The following DSCAML1 variants were observed in gnomAD, a reference collection of about 807,000 sequenced individuals.
DSCAML1 encodes the protein DS cell adhesion molecule like 1, also known as cell adhesion molecule DSCAML1.
In DSCAML1, 38 loss-of-function variants were observed where a neutral mutation model predicts 200.5. The ratio of observed to expected loss-of-function variants is 0.19; its 90% CI spans 0.15 to 0.25. The LOEUF is 0.25. Among genes scored for constraint, DSCAML1 ranks in the 10% least tolerant of loss-of-function variants. The pLI is 1.00. For synonymous variants in DSCAML1, 1,215 were observed against 1,165.0 expected (o/e 1.04, Z -0.87); for missense variants, 2,223 against 2,858.8 (o/e 0.78, Z 5.07).
At chr11:117,559,809 G>A (rs1456830815) in intron 3 of DSCAML1, among the ~76,000 whole-genome samples, 1 of 152,132 alleles carries the variant, frequency 6.6e-6, no homozygotes, top group Non-Finnish European at 1.5e-5. Flanking sequence ...CTCGCCCAGG[G>A]CACGGAAGCC....
rs557943421 is a variant in DSCAML1 at position 117,650,795 on chromosome 11, G to A, written c.512-118273C>T. On this transcript the variant is annotated intron_variant, in intron 3 of 32. Coordinates refer to ENST00000651296, the MANE Select transcript of DSCAML1 (RefSeq NM_020693.4). ...GGTGGTTGAGGGCTGCTCAGGACTCGGCAGCTAATTGCCCAGCTTTCCACT... is the reference window on the plus strand; with the variant it reads ...GGTGGTTGAGGGCTGCTCAGGACTCAGCAGCTAATTGCCCAGCTTTCCACT... Among the ~76,000 whole-genome samples, 9 of 151,984 alleles carry A rather than the reference G, an allele frequency of 5.9e-5. No homozygotes were observed. In the South Asian group the frequency reaches 1.0e-3, roughly 18 times the overall value.
intron 1 of DSCAML1, among the ~76,000 whole-genome samples, chr11:117,807,644 C>G (rs746958355): frequency 6.6e-6 from 1 of 152,172 alleles, no homozygotes; most frequent in Non-Finnish European, 1.5e-5. Flanking sequence ...TAGAGAAGGT[C>G]ACAGTACCTG....
intron 3 of DSCAML1, among the ~76,000 whole-genome samples, chr11:117,757,315 A>C (rs1183715706): frequency 6.6e-6 from 1 of 152,178 alleles, no homozygotes; most frequent in Non-Finnish European, 1.5e-5. Flanking sequence ...CACTATCTAG[A>C]AATAATCATG....
At chr11:117,526,612 G>A (rs1191251652) in intron 4 of DSCAML1, among the ~76,000 whole-genome samples, 2 of 151,966 alleles carry the variant, frequency 1.3e-5, no homozygotes, top group African/African-American at 2.4e-5. Context: ...TCCGCCTCCC[G>A]GGTTCAAGCA....
At chr11:117,781,162 G>A (rs1220952144) in intron 1 of DSCAML1, among the ~76,000 whole-genome samples, 1 of 151,894 alleles carries the variant, frequency 6.6e-6, no homozygotes, top group South Asian at 2.1e-4. Flanking sequence ...CCGTGCACAC[G>A]CGTCTGTAGT....
At chr11:117,697,033 C>T (rs925631619) in intron 3 of DSCAML1, among the ~76,000 whole-genome samples, 3 of 152,214 alleles carry the variant, frequency 2.0e-5, no homozygotes, top group Non-Finnish European at 4.4e-5. Flanking sequence ...TCCTTTGGCA[C>T]ATCACAGATT....
At chr11:117,691,238 G>A (rs1042977216) in intron 3 of DSCAML1, among the ~76,000 whole-genome samples, 7 of 152,158 alleles carry the variant, frequency 4.6e-5, no homozygotes, top group Non-Finnish European at 7.4e-5. Context: ...ATCCTAGGGA[G>A]ATGGACCTCC....
At chr11:117,471,662 A>G (rs1188644712) in intron 15 of DSCAML1, among the ~76,000 whole-genome samples, 1 of 138,974 alleles carries the variant, frequency 7.2e-6, no homozygotes, top group Non-Finnish European at 1.6e-5. Flanking sequence ...TAGTTCCCCC[A>G]AACCCAGTAT....
chr11:117,815,256 A>T (rs1207643386), intron 1 of DSCAML1, among the ~76,000 whole-genome samples: 2 of 152,164 alleles, frequency 1.3e-5, no homozygotes, highest in Non-Finnish European at 2.9e-5. Context: ...CTTCCCCTGA[A>T]AAGTCACAGC....
intron 3 of DSCAML1, among the ~76,000 whole-genome samples, chr11:117,592,515 CT>C (rs79328780): frequency 0.11 from 16,561 of 152,040 alleles, 913 homozygotes; most frequent in Middle Eastern, 0.16. Context: ...CACAGGGCTG[CT>C]AAAGGCCCCA....
At chr11:117,685,655 C>A (rs1435209708) in intron 3 of DSCAML1, among the ~76,000 whole-genome samples, 1 of 152,190 alleles carries the variant, frequency 6.6e-6, no homozygotes, top group Non-Finnish European at 1.5e-5. Flanking sequence ...GCTCTGAGCT[C>A]CCCGGGAGGA....
intron 3 of DSCAML1, among the ~76,000 whole-genome samples, chr11:117,706,921 C>A (rs149417171): frequency 6.6e-6 from 1 of 152,166 alleles, no homozygotes; most frequent in Non-Finnish European, 1.5e-5. Flanking sequence ...TGAAGGGAGG[C>A]GACCACACAC....
rs1255641674 is a variant in DSCAML1 at position 117,532,508 on chromosome 11, T to C, written c.526A>G (p.Ile176Val). The part of the protein sequence containing the change: ...VSIIPEHRFF[I>V]TYHGGLYISD... ...ATGTACAGCCCGCCGTGGTAGGTAA[T>C]AAAAAACCTGTGTTCTGGAGACACA... The change falls in exon 4 of 33, where the codon ATT becomes GTT. Residue 176 changes from isoleucine to valine, a missense_variant. Ile to Val is a conservative substitution (Grantham distance 29, BLOSUM62 3). Coordinates refer to ENST00000651296, the MANE Select transcript of DSCAML1 (RefSeq NM_020693.4). 6.2e-7 allele frequency: 1 copy of C among 1,613,490 alleles called. No homozygotes were observed. Among genetic ancestry groups the C allele is most frequent in the Non-Finnish European group, 8.5e-7 (1 of 1,179,794 alleles).
At position 117,463,940 on chromosome 11, in the gene DSCAML1, G is replaced by A. The variant is rs74835860; in HGVS notation, c.3265+1002C>T. On this transcript the variant is annotated intron_variant, in intron 17 of 32. Transcript: ENST00000651296. The surrounding 1 kb of genome is among the most constrained non-coding windows in gnomAD (Gnocchi z 4.0). ...AGCGTTAGGAACCATTGGTATGAGC[G>A]AATCTACTTTCAGGTGTTTCTGACC... Among the ~76,000 whole-genome samples, 2,708 of 152,290 alleles carry A rather than the reference G, an allele frequency of 0.018. 76 individuals are homozygous for A. The highest frequency in any genetic ancestry group is 0.061 in the African/African-American group (2,528 of 41,540).
chr11:117,672,800 A>G (rs2053138099), intron 3 of DSCAML1, among the ~76,000 whole-genome samples: 1 of 152,256 alleles, frequency 6.6e-6, no homozygotes, highest in Non-Finnish European at 1.5e-5. Flanking sequence ...GGGGTATCAT[A>G]CAACACACTT....
chr11:117,457,234 C>A lies in DSCAML1; in HGVS notation c.3568+1520G>T, dbSNP rs185443653. ...GTGAGGGGCAGTGCTGCTTTGGGCCCGGGCTCCTGCTGTGTATAACCATGA... is the reference window on the plus strand; with the variant it reads ...GTGAGGGGCAGTGCTGCTTTGGGCCAGGGCTCCTGCTGTGTATAACCATGA... On this transcript the variant is annotated intron_variant, in intron 19 of 32. Transcript: ENST00000651296. Among the ~76,000 whole-genome samples, 789 of 152,320 alleles carry A rather than the reference C, an allele frequency of 5.2e-3. 7 individuals carry two copies. Among genetic ancestry groups the A allele is most frequent in the African/African-American group, 0.017 (718 of 41,572 alleles).
intron 3 of DSCAML1, among the ~76,000 whole-genome samples, chr11:117,676,828 G>C (rs1342213420): frequency 6.6e-6 from 1 of 152,252 alleles, no homozygotes; most frequent in Non-Finnish European, 1.5e-5. Flanking sequence ...TGGGAAACGG[G>C]CTTGTAGGTG....
intron 3 of DSCAML1, among the ~76,000 whole-genome samples, chr11:117,609,638 C>A (rs866473049): frequency 1.1e-4 from 16 of 152,282 alleles, no homozygotes; most frequent in Middle Eastern, 3.4e-3. Flanking sequence ...TTCTTATCAA[C>A]TCTTTTTATT....
intron 4 of DSCAML1, among the ~76,000 whole-genome samples, chr11:117,528,342 C>T (rs1391176085): frequency 2.0e-5 from 3 of 152,168 alleles, no homozygotes; most frequent in East Asian, 1.9e-4. Context: ...AATTAATCAC[C>T]GAGGCTCAGG....
Sources: gnomAD v4.1 joint callset for allele counts (sites outside exome capture counted in the v4.1 genomes callset) on GRCh38, gnomAD v4.1.1 for gene constraint, Gnocchi (gnomAD v3.1) non-coding constraint, MANE v1.5 for transcripts, NCBI Gene and HGNC (gene_info 2026-07-23, HGNC 2026-07-21) for gene names.